ADGRL3: variants seen among roughly 807,000 people sequenced by gnomAD.
The protein encoded by ADGRL3 is adhesion G protein-coupled receptor L3.
In ADGRL3, 62 loss-of-function variants were observed where a neutral mutation model predicts 153.5. The ratio of observed to expected loss-of-function variants is 0.40; its 90% CI spans 0.33 to 0.50. The LOEUF is 0.50. Among genes scored for constraint, ADGRL3 ranks in the 20% least tolerant of loss-of-function variants. The pLI is 0.47. For missense variants in ADGRL3, 1,641 were observed against 1,859.4 expected, an observed-to-expected ratio of 0.88 and a Z score of 2.16; for synonymous variants, 710 against 672.5, an observed-to-expected ratio of 1.06 and a Z score of -0.86.
At chr4:62,041,300 A>G (rs1291930846) in intron 24 of ADGRL3, among the ~76,000 whole-genome samples, 2 of 152,066 alleles carry the variant, frequency 1.3e-5, no homozygotes, top group Non-Finnish European at 2.9e-5. Context: ...AGTCACACAA[A>G]CATATATTCA....
intron 2 of ADGRL3, among the ~76,000 whole-genome samples, chr4:61,442,589 T>C (rs554768081): frequency 2.0e-5 from 3 of 152,194 alleles, no homozygotes; most frequent in South Asian, 2.1e-4. Flanking sequence ...AAGGCAGTTA[T>C]GAGGAGTAGA....
chr4:61,434,981 A>G (rs1246281954), intron 2 of ADGRL3, among the ~76,000 whole-genome samples: 1 of 152,098 alleles, frequency 6.6e-6, no homozygotes, highest in Non-Finnish European at 1.5e-5. Context: ...ATATCACTCA[A>G]GTTCTATGAG....
chr4:61,847,764 A>AATATATATATAATACAAAATATATT (rs2098139574), intron 9 of ADGRL3, among the ~76,000 whole-genome samples: 1 of 35,906 alleles, frequency 2.8e-5, no homozygotes, highest in Admixed American at 5.3e-4. Flanking sequence ...TATAATACAA[A>AATATATATATAATACAAAATATATT]ATATATATAT....
rs370156723 is a variant in ADGRL3 at position 61,548,934 on chromosome 4, G to A, written c.259+31416G>A. Among the ~76,000 whole-genome samples the A allele has an allele frequency of 2.2e-3, 330 of 151,992 alleles. 1 individual carries two copies. Among genetic ancestry groups the A allele is most frequent in the African/African-American group, 7.4e-3 (307 of 41,466 alleles). ...TCTGTACATTGATTTGGGCAATATG[G>A]GTGTTTTAACAATATTGACTCTTCC... On this transcript the variant is annotated intron_variant, in intron 4 of 26. Coordinates refer to ENST00000683033, the MANE Select transcript of ADGRL3 (RefSeq NM_001387552.1).
At chr4:61,283,845 C>T (rs886335076) in intron 1 of ADGRL3, among the ~76,000 whole-genome samples, 10 of 151,982 alleles carry the variant, frequency 6.6e-5, no homozygotes, top group African/African-American at 1.9e-4. Context: ...CCTGATTGTC[C>T]GTGCATTTTT....
At chr4:61,579,178 A>G (rs2098911456) in intron 4 of ADGRL3, among the ~76,000 whole-genome samples, 1 of 152,106 alleles carries the variant, frequency 6.6e-6, no homozygotes, top group South Asian at 2.1e-4. Context: ...GATGACACCC[A>G]TGTCTTATGT....
At chr4:61,335,822 T>A (rs1381389458) in intron 1 of ADGRL3, among the ~76,000 whole-genome samples, 4 of 152,224 alleles carry the variant, frequency 2.6e-5, no homozygotes, top group Non-Finnish European at 5.9e-5. Flanking sequence ...GAAATATTTC[T>A]TAATTTCTAT....
chr4:61,933,304 T>C (rs1417200685), intron 13 of ADGRL3, among the ~76,000 whole-genome samples: 2 of 152,168 alleles, frequency 1.3e-5, no homozygotes, highest in Non-Finnish European at 2.9e-5. Context: ...TGGTTTCCTA[T>C]CTGGCACCTC....
chr4:61,203,915 C>CT (rs10687667), intron 1 of ADGRL3, among the ~76,000 whole-genome samples: 64,556 of 149,502 alleles, frequency 0.43, 15,328 homozygotes, highest in African/African-American at 0.65. Context: ...TTCACCCAAT[C>CT]TTTTTTTTTT....
chr4:61,979,044 T>A (rs2099058148), intron 17 of ADGRL3, among the ~76,000 whole-genome samples: 1 of 152,174 alleles, frequency 6.6e-6, no homozygotes, highest in South Asian at 2.1e-4. Flanking sequence ...TACATACTTA[T>A]ATGACACAAC....
chr4:61,874,984 A>G (rs1449436297), intron 9 of ADGRL3, among the ~76,000 whole-genome samples: 2 of 149,480 alleles, frequency 1.3e-5, no homozygotes, highest in Non-Finnish European at 3.0e-5. Context: ...AATTTTTTGT[A>G]TTTTTAGTAG....
chr4:61,533,202 A>G (rs1305955199), intron 4 of ADGRL3, among the ~76,000 whole-genome samples: 1 of 152,148 alleles, frequency 6.6e-6, no homozygotes, highest in Non-Finnish European at 1.5e-5. Context: ...TAAAATGTAT[A>G]TATGATGAAG....
intron 8 of ADGRL3, among the ~76,000 whole-genome samples, chr4:61,761,903 C>T (rs1275355497): frequency 6.6e-6 from 1 of 152,096 alleles, no homozygotes; most frequent in Non-Finnish European, 1.5e-5. Context: ...TATACTCCAG[C>T]CTGGGCAACA....
chr4:61,340,818 G>C (rs1265021576), intron 1 of ADGRL3, among the ~76,000 whole-genome samples: 1 of 150,586 alleles, frequency 6.6e-6, no homozygotes, highest in Non-Finnish European at 1.5e-5. Context: ...ATATTTATGT[G>C]TGTGTGTTTG....
At chr4:61,587,858 A>G (rs997685538) in intron 5 of ADGRL3, among the ~76,000 whole-genome samples, 24 of 152,112 alleles carry the variant, frequency 1.6e-4, no homozygotes, top group Non-Finnish European at 2.8e-4. Flanking sequence ...TAGGTAATTT[A>G]TAATCATTAA....
At chr4:61,421,895 T>C (rs1302717322) in intron 2 of ADGRL3, among the ~76,000 whole-genome samples, 1 of 152,158 alleles carries the variant, frequency 6.6e-6, no homozygotes, top group East Asian at 1.9e-4. Flanking sequence ...CTTCATTCAT[T>C]ATTAATTTAT....
chr4:61,602,528 G>A lies in ADGRL3; in HGVS notation c.473+15088G>A, dbSNP rs944639439. Reference sequence around the variant, plus strand: ...AGAAAGCCCCCAACAACAAAAAATAGCAAGCTCCAAGTGTCTATATTACCA... The same window carrying A: ...AGAAAGCCCCCAACAACAAAAAATAACAAGCTCCAAGTGTCTATATTACCA... On this transcript the variant is annotated intron_variant, in intron 5 of 26. Transcript: ENST00000683033. Among the ~76,000 whole-genome samples, 7 of 152,124 alleles carry A rather than the reference G, an allele frequency of 4.6e-5. No individual in the cohort carries two copies. In the South Asian group the frequency reaches 6.2e-4, roughly 13 times the overall value.
chr4:61,818,643 C>G (rs2097715280), intron 9 of ADGRL3, among the ~76,000 whole-genome samples: 1 of 152,132 alleles, frequency 6.6e-6, no homozygotes, highest in South Asian at 2.1e-4. Context: ...GACACAGATC[C>G]CAACCATATC....
intron 4 of ADGRL3, among the ~76,000 whole-genome samples, chr4:61,527,535 T>C (rs1044225124): frequency 4.6e-5 from 7 of 151,890 alleles, no homozygotes; most frequent in African/African-American, 1.2e-4. Flanking sequence ...ATATATGCAA[T>C]TTAAACAAGT....
Sources: allele counts gnomAD v4.1 joint callset (sites outside exome capture counted in the v4.1 genomes callset), GRCh38; gene constraint gnomAD v4.1.1; transcripts MANE v1.5; gene names NCBI Gene and HGNC (gene_info 2026-07-23, HGNC 2026-07-21).